REC114: variants seen among roughly 807,000 people sequenced by gnomAD.
The protein encoded by REC114 is REC114 meiotic recombination protein.
A neutral mutation model predicts 31.3 loss-of-function variants in REC114; 27 were observed. That is an observed-to-expected ratio of 0.86 (90% confidence interval 0.64 to 1.19). REC114 has a LOEUF of 1.19. REC114 is among the 50% of genes most tolerant of loss of function. REC114 has a pLI of 0.00. For missense variants in REC114, 344 were observed against 326.9 expected (o/e 1.05, Z -0.40); for synonymous variants, 134 against 127.7 (o/e 1.05, Z -0.33).
intron 1 of REC114, among the ~76,000 whole-genome samples, chr15:73,461,793 G>A (rs541420474): frequency 3.9e-5 from 6 of 151,990 alleles, no homozygotes; most frequent in South Asian, 2.1e-4. Flanking sequence ...GTTAAGCTAC[G>A]TTTAGATTGG....
chr15:73,473,100 A>T (rs1481383665), intron 1 of REC114, among the ~76,000 whole-genome samples: 1 of 152,164 alleles, frequency 6.6e-6, no homozygotes, highest in Non-Finnish European at 1.5e-5. Flanking sequence ...GGGTTATGAA[A>T]AATGGAGGGC....
intron 2 of REC114, among the ~76,000 whole-genome samples, chr15:73,519,146 T>G (rs984527538): frequency 6.6e-6 from 1 of 152,204 alleles, no homozygotes; most frequent in African/African-American, 2.4e-5. Context: ...AATTCATATG[T>G]TGAAACCTAA....
chr15:73,524,916 A>G (rs982073309), intron 2 of REC114, among the ~76,000 whole-genome samples: 1 of 152,168 alleles, frequency 6.6e-6, no homozygotes, highest in African/African-American at 2.4e-5. Flanking sequence ...AGAGCTTTCA[A>G]TGGAAATTTT....
Position 73,523,798 on chromosome 15 carries a change from T to C in REC114, c.250-16687T>C, listed in dbSNP as rs114774248. ...GGCAAAGATTCTCTCCTATGTTTTA[T>C]TTTAGAAATTTTATAGTTTCAGCTA... On this transcript the variant is annotated intron_variant, in intron 2 of 5. Transcript: ENST00000331090. 4.9e-3 allele frequency among the ~76,000 whole-genome samples: 753 copies of C among 152,284 alleles called. 3 individuals carry two copies. The highest frequency in any genetic ancestry group is 0.017 in the African/African-American group (702 of 41,544).
chr15:73,504,298 C>T (rs1408107859), intron 2 of REC114, among the ~76,000 whole-genome samples: 6 of 152,044 alleles, frequency 3.9e-5, no homozygotes, highest in African/African-American at 7.2e-5. Context: ...CCACTGCGCC[C>T]GGCCTGAAAT....
chr15:73,516,069 C>T (rs1893854679), intron 2 of REC114, among the ~76,000 whole-genome samples: 1 of 151,822 alleles, frequency 6.6e-6, no homozygotes, highest in African/African-American at 2.4e-5. Context: ...TCACTGCAAC[C>T]TCCGCCTCCC....
chr15:73,496,651 C>CAA (rs202054841), intron 2 of REC114, among the ~76,000 whole-genome samples: 1,376 of 84,652 alleles, frequency 0.016, 29 homozygotes, highest in African/African-American at 0.056. Flanking sequence ...AGACTCCATC[C>CAA]AAAAAAAAAA....
chr15:73,503,825 A>G (rs1567875946), intron 2 of REC114, among the ~76,000 whole-genome samples: 1 of 151,942 alleles, frequency 6.6e-6, no homozygotes, highest in Non-Finnish European at 1.5e-5. Context: ...ATATATTCTG[A>G]ATACCAGTCC....
chr15:73,484,385 C>T (rs899374589), intron 2 of REC114, among the ~76,000 whole-genome samples: 3 of 152,136 alleles, frequency 2.0e-5, no homozygotes, highest in Non-Finnish European at 2.9e-5. Flanking sequence ...CAATCCTCCT[C>T]GGCTTCTTCT....
intron 2 of REC114, among the ~76,000 whole-genome samples, chr15:73,489,201 T>C (rs1300456622): frequency 6.4e-4 from 70 of 109,904 alleles, no homozygotes; most frequent in African/African-American, 7.2e-4. Context: ...CTCCCCCACC[T>C]TTTTTTTTTT....
intron 2 of REC114, among the ~76,000 whole-genome samples, chr15:73,509,113 C>T (rs777014036): frequency 2.0e-5 from 3 of 152,132 alleles, no homozygotes; most frequent in Non-Finnish European, 4.4e-5. Flanking sequence ...CCTGTTGTTT[C>T]CTGACTTTTT....
intron 2 of REC114, among the ~76,000 whole-genome samples, chr15:73,525,697 T>C (rs1184050388): frequency 1.3e-5 from 2 of 152,174 alleles, no homozygotes; most frequent in African/African-American, 4.8e-5. Context: ...GCCTACTCTA[T>C]AGTATTTCAT....
intron 2 of REC114, among the ~76,000 whole-genome samples, chr15:73,508,656 C>T (rs1389811607): frequency 7.2e-6 from 1 of 139,436 alleles, no homozygotes; most frequent in Non-Finnish European, 1.5e-5. Flanking sequence ...CAGGTGATCT[C>T]ATTGTTCAAT....
intron 2 of REC114, among the ~76,000 whole-genome samples, chr15:73,513,664 A>G (rs1243737655): frequency 3.6e-4 from 55 of 151,370 alleles, no homozygotes; most frequent in South Asian, 1.7e-3. Flanking sequence ...CCTTCTAACA[A>G]ACAGGACCCT....
At chr15:73,528,486 A>G (rs921054189) in intron 2 of REC114, among the ~76,000 whole-genome samples, 25 of 152,354 alleles carry the variant, frequency 1.6e-4, no homozygotes, top group Non-Finnish European at 2.6e-4. Context: ...AGAGTTACAT[A>G]TTAAAACACA....
chr15:73,482,657 G>A (rs142169814), intron 2 of REC114, among the ~76,000 whole-genome samples: 1 of 152,292 alleles, frequency 6.6e-6, no homozygotes, highest in Admixed American at 6.5e-5. Flanking sequence ...CCATGCTATA[G>A]CATATCATAG....
intron 2 of REC114, among the ~76,000 whole-genome samples, chr15:73,478,079 C>T (rs1369987358): frequency 6.6e-6 from 1 of 151,836 alleles, no homozygotes; most frequent in African/African-American, 2.4e-5. Context: ...GCCTGGCCAA[C>T]ATGGTGAAAC....
intron 1 of REC114, among the ~76,000 whole-genome samples, chr15:73,468,294 C>T (rs1000882460): frequency 6.6e-5 from 10 of 152,086 alleles, no homozygotes; most frequent in Non-Finnish European, 1.3e-4. Flanking sequence ...TTTCAATGTG[C>T]TGGTCTTCTT....
intron 1 of REC114, among the ~76,000 whole-genome samples, chr15:73,451,894 C>T (rs573070083): frequency 3.5e-4 from 54 of 152,324 alleles, no homozygotes; most frequent in Admixed American, 7.2e-4. Context: ...ACATGATTAT[C>T]TCAATAGATG....
Sources: gnomAD v4.1 joint callset for allele counts (sites outside exome capture counted in the v4.1 genomes callset) on GRCh38, gnomAD v4.1.1 for gene constraint, MANE v1.5 for transcripts, NCBI Gene and HGNC (gene_info 2026-07-23, HGNC 2026-07-21) for gene names.